HECTD4: variants seen among roughly 807,000 people sequenced by gnomAD.
HECTD4 encodes the protein probable E3 ubiquitin-protein ligase HECTD4.
HECTD4 carries 114 observed loss-of-function variants against 471.5 expected under a neutral mutation model. The observed-to-expected ratio is 0.24, with a 90% CI of 0.21 to 0.28. HECTD4 has a LOEUF of 0.28. HECTD4 is among the 10% of genes least tolerant of loss of function. The pLI, the probability that HECTD4 is intolerant of heterozygous loss-of-function variation, is 1.00. For missense variants in HECTD4, 3,866 were observed against 5,651.5 expected, an observed-to-expected ratio of 0.68 and a Z score of 10.13; for synonymous variants, 2,012 against 2,256.0, an observed-to-expected ratio of 0.89 and a Z score of 3.07.
intron 60 of HECTD4, 71 bp downstream of exon 60, chr12:112,190,715 G>T: frequency 7.0e-7 from 1 of 1,434,472 alleles, no homozygotes; most frequent in South Asian, 1.4e-5. Context: ...CACCTGGCAA[G>T]CTCCTTCCTC....
intron 1 of HECTD4, among the ~76,000 whole-genome samples, chr12:112,355,393 G>A (rs1057384490): frequency 1.8e-4 from 27 of 151,282 alleles, no homozygotes; most frequent in Middle Eastern, 3.5e-3. Flanking sequence ...CCCGGAAGGC[G>A]GAGGTTGCAG....
chr12:112,329,880 G>A (rs2035813084), intron 1 of HECTD4, among the ~76,000 whole-genome samples: 1 of 152,190 alleles, frequency 6.6e-6, no homozygotes, highest in African/African-American at 2.4e-5. Context: ...GGCCTAAGAG[G>A]TAGGATCGAT....
In HECTD4 at chr12:112,254,066, C is replaced by T; in HGVS notation, c.3424G>A (p.Gly1142Ser). 1.2e-6 allele frequency: 2 copies of T among 1,613,906 alleles called. No homozygotes were observed. Among genetic ancestry groups the T allele is most frequent in the Non-Finnish European group, 1.7e-6 (2 of 1,179,842 alleles). The change falls in exon 22 of 76, where the codon GGT becomes AGT. Residue 1142 changes from glycine to serine, a missense_variant. Around this residue, in one of 16 missense-constraint regions of HECTD4, gnomAD observed 281 missense variants for 499.9 expected, o/e 0.56. Coordinates refer to ENST00000682272, the MANE Select transcript of HECTD4 (RefSeq NM_001388303.1). ...GYGSRSVLGTGWPKDLVKVEG... is the reference protein window; with the variant it reads ...GYGSRSVLGTSWPKDLVKVEG... ...ACCTTCACCAAGTCTTTCGGCCAAC[C>T]AGTTCCTAAGACACTACGGCTGCCA...
chr12:112,331,967 CAGA>C (rs1014748952), intron 1 of HECTD4, among the ~76,000 whole-genome samples: 2 of 151,888 alleles, frequency 1.3e-5, no homozygotes, highest in Non-Finnish European at 2.9e-5. Context: ...AGAGTGTGTC[CAGA>C]AGAAGATGAT....
chr12:112,290,725 G>T (rs939176015), intron 7 of HECTD4, among the ~76,000 whole-genome samples: 3 of 151,816 alleles, frequency 2.0e-5, no homozygotes, highest in African/African-American at 7.3e-5. Flanking sequence ...GTGTATGCCT[G>T]TAGTCCCAGC....
chr12:112,202,592 TTATATC>T (rs1373147413), intron 54 of HECTD4, among the ~76,000 whole-genome samples: 3 of 152,184 alleles, frequency 2.0e-5, no homozygotes, highest in Admixed American at 2.0e-4. Flanking sequence ...ATACCAAAGT[TTATATC>T]TATACAGTGA....
At chr12:112,345,352 A>G (rs961668419) in intron 1 of HECTD4, among the ~76,000 whole-genome samples, 2 of 152,152 alleles carry the variant, frequency 1.3e-5, no homozygotes, top group African/African-American at 4.8e-5. Flanking sequence ...TATGAAAACA[A>G]TAAACAAGAC....
intron 1 of HECTD4, among the ~76,000 whole-genome samples, chr12:112,359,974 G>T (rs543350072): frequency 6.6e-6 from 1 of 152,290 alleles, no homozygotes; most frequent in Non-Finnish European, 1.5e-5. Flanking sequence ...GGAGGAATAC[G>T]CACAGGTGCA....
At chr12:112,290,320 A>C (rs75554291) in intron 7 of HECTD4, among the ~76,000 whole-genome samples, 2 of 148,182 alleles carry the variant, frequency 1.3e-5, no homozygotes, top group Admixed American at 1.4e-4. Context: ...AGCTAGTCTC[A>C]AAAAAAATAA....
intron 1 of HECTD4, among the ~76,000 whole-genome samples, chr12:112,377,349 C>T (rs2036801762): frequency 6.6e-6 from 1 of 151,978 alleles, no homozygotes; most frequent in South Asian, 2.1e-4. Context: ...ATACTTTTCT[C>T]TTTAGCACTT....
intron 38 of HECTD4, 49 bp from the exon 39 acceptor site, chr12:112,231,764 C>G: frequency 6.7e-7 from 1 of 1,491,910 alleles, no homozygotes; most frequent in South Asian, 1.2e-5. Flanking sequence ...GTCTTCCCAG[C>G]ACTATATTTT....
chr12:112,193,169 G>C lies in HECTD4; in HGVS notation c.8978C>G (p.Ser2993Cys). The C allele has an allele frequency of 1.2e-6, 2 of 1,613,974 alleles. No homozygotes were observed. Among genetic ancestry groups the C allele is most frequent in the Non-Finnish European group, 1.7e-6 (2 of 1,179,874 alleles). The part of the protein sequence containing the change: ...FLQTAPEQFP[S>C]EEFPISESKV... ...GGATTCGGAAATTGGGAACTCTTCGGAGGGGAACTGCTCTGGTGCTGTCTG... is the reference window on the plus strand; with the variant it reads ...GGATTCGGAAATTGGGAACTCTTCGCAGGGGAACTGCTCTGGTGCTGTCTG... The change falls in exon 58 of 76, where the codon TCC becomes TGC. Residue 2993 changes from serine to cysteine, a missense_variant. By Grantham distance (112) the Ser-to-Cys change is moderately radical. This residue lies in a region of HECTD4 where 364 missense variants were observed against 413.2 expected (regional missense o/e 0.88). Transcript: ENST00000682272. This position sits in a 1 kb window ranked among gnomAD's most constrained non-coding sequence, Gnocchi z 5.2.
Position 112,243,305 on chromosome 12 carries a change from C to T in HECTD4, c.4958+48G>A, listed in dbSNP as rs115782126. 5.5e-4 allele frequency: 840 copies of T among 1,529,940 alleles called. 5 individuals are homozygous for T. In the African/African-American group the frequency reaches 9.8e-3, roughly 18 times the overall value. 94.8% of individuals were successfully genotyped at this position (1,529,940 alleles called of 1,614,324 possible). A position where few individuals can be genotyped will look rare whatever the true frequency, so the allele number is the denominator to read the frequency against. On this transcript the variant is annotated intron_variant, in intron 32 of 75. Coordinates refer to ENST00000682272, the MANE Select transcript of HECTD4 (RefSeq NM_001388303.1). The surrounding 1 kb of genome is among the most constrained non-coding windows in gnomAD (Gnocchi z 6.6). ...GTCCCAAGAATAATCTTTTGAATGG[C>T]TCTGACCATTCTAGAAAGGACAGTA... is the stretch of plus-strand genomic sequence containing the variant.
intron 66 of HECTD4, among the ~76,000 whole-genome samples, chr12:112,174,072 G>A (rs1358226297): frequency 6.6e-6 from 1 of 151,282 alleles, no homozygotes; most frequent in African/African-American, 2.4e-5. Flanking sequence ...CCGCCTCCCA[G>A]GTTCAAGTGA....
intron 52 of HECTD4, among the ~76,000 whole-genome samples, chr12:112,206,305 A>C (rs2032578729): frequency 1.3e-5 from 2 of 151,986 alleles, no homozygotes; most frequent in Admixed American, 1.3e-4. Context: ...GACCACCCTG[A>C]GGGATATAGC....
At chr12:112,313,191 C>T in intron 3 of HECTD4, 44 bp from the exon 4 acceptor site, 1 of 1,485,804 alleles carries the variant, frequency 6.7e-7, no homozygotes, top group Admixed American at 2.2e-5. Context: ...TGAGACAATC[C>T]ATTTCAGCAA....
intron 11 of HECTD4, among the ~76,000 whole-genome samples, chr12:112,272,024 TA>T (rs1208682813): frequency 4.6e-5 from 7 of 152,270 alleles, no homozygotes; most frequent in East Asian, 1.9e-4. Context: ...TTCTTGCATT[TA>T]TTTTTTTTAA....
At chr12:112,306,984 G>A (rs2035282612) in intron 6 of HECTD4, among the ~76,000 whole-genome samples, 1 of 152,066 alleles carries the variant, frequency 6.6e-6, no homozygotes. Flanking sequence ...TAAATGTGTA[G>A]CTACATACTA....
At chr12:112,312,496 G>T (rs2035392505) in intron 4 of HECTD4, among the ~76,000 whole-genome samples, 2 of 152,184 alleles carry the variant, frequency 1.3e-5, no homozygotes, top group Non-Finnish European at 2.9e-5. Flanking sequence ...TTGAGATAAT[G>T]TAAGAAACTG....
Sources: allele counts gnomAD v4.1 joint callset (sites outside exome capture counted in the v4.1 genomes callset), GRCh38; gene constraint gnomAD v4.1.1; regional missense constraint gnomAD v4.1.1; non-coding constraint Gnocchi (gnomAD v3.1); transcripts MANE v1.5; gene names NCBI Gene and HGNC (gene_info 2026-07-23, HGNC 2026-07-21).